The following GLMN variants were observed in gnomAD, a reference collection of about 807,000 sequenced individuals.
GLMN encodes the protein glomulin, FKBP associated protein.
GLMN carries 75 observed loss-of-function variants against 87.8 expected under a neutral mutation model. That is an observed-to-expected ratio of 0.85 (90% CI 0.71 to 1.04). The LOEUF (loss-of-function observed/expected upper bound fraction) is 1.04. Ranked by LOEUF, GLMN falls within the 50% of genes least tolerant of loss-of-function variation. The probability of loss-of-function intolerance (pLI) is 0.00; values close to 1 mark genes in which losing one functional copy is unlikely to be tolerated. For synonymous variants in GLMN, 206 were observed against 221.6 expected, an observed-to-expected ratio of 0.93 and a Z score of 0.63; for missense variants, 588 against 658.8, an observed-to-expected ratio of 0.89 and a Z score of 1.18.
chr1:92,283,680 GTC>G (rs1342670349), intron 7 of GLMN, among the ~76,000 whole-genome samples: 1 of 152,132 alleles, frequency 6.6e-6, no homozygotes, highest in African/African-American at 2.4e-5. Context: ...AAGTCAAATT[GTC>G]TCTGTTTGCA....
At chr1:92,252,783 T>C (rs1653696101) in intron 16 of GLMN, among the ~76,000 whole-genome samples, 1 of 152,120 alleles carries the variant, frequency 6.6e-6, no homozygotes, top group Non-Finnish European at 1.5e-5. Context: ...AAAAGTAAAT[T>C]AAGAGTTTTA....
upstream of GLMN, among the ~76,000 whole-genome samples, chr1:92,300,749 ACTAAT>A (rs1650782830): frequency 6.6e-6 from 1 of 152,222 alleles, no homozygotes; most frequent in Admixed American, 6.5e-5. Flanking sequence ...GTGAAGACTC[ACTAAT>A]CTTATATTGG....
chr1:92,359,768 A>ATT, the GLMN span, among the ~76,000 whole-genome samples: 2 of 152,204 alleles, frequency 1.3e-5, no homozygotes, highest in African/African-American at 4.8e-5. Context: ...AGAGACCTAG[A>ATT]TTTTAGTGTC....
chr1:92,363,675 GA>G, the GLMN span: 2 of 291,372 alleles, frequency 6.9e-6, no homozygotes, highest in Non-Finnish European at 6.7e-6. Context: ...AAGATAGCAA[GA>G]CCAACCCCAC....
the GLMN span, among the ~76,000 whole-genome samples, chr1:92,354,890 A>AATTATT: frequency 7.0e-4 from 103 of 147,686 alleles, 1 homozygote; most frequent in South Asian, 1.7e-3. Flanking sequence ...AATTTATGTA[A>AATTATT]ATTATTATTA....
At chr1:92,307,607 A>G in the GLMN span, among the ~76,000 whole-genome samples, 1 of 152,206 alleles carries the variant, frequency 6.6e-6, no homozygotes, top group Non-Finnish European at 1.5e-5. Flanking sequence ...TTCAGAAGTT[A>G]CTGGGTCTTA....
the GLMN span, chr1:92,324,495 T>G: frequency 5.2e-6 from 4 of 768,102 alleles, no homozygotes; most frequent in Non-Finnish European, 8.2e-6. Context: ...ATAGTTTCTT[T>G]AGTCATTCTG....
intron 7 of GLMN, among the ~76,000 whole-genome samples, chr1:92,276,931 T>G (rs180850446): frequency 1.9e-3 from 294 of 152,268 alleles, no homozygotes; most frequent in Non-Finnish European, 3.6e-3. Context: ...GTTTGTAAAT[T>G]TTTACAATAC....
In GLMN at chr1:92,262,781, T is replaced by C. The variant is rs565762815; in HGVS notation, c.1473+82A>G. The C allele has an allele frequency of 4.1e-4, 284 of 692,558 alleles. 2 individuals are homozygous for C. The highest frequency in any genetic ancestry group is 6.8e-5 in the Non-Finnish European group (25 of 368,606). 42.9% of individuals were successfully genotyped at this position (692,558 alleles called of 1,614,324 possible). On this transcript the variant is annotated intron_variant, in intron 16 of 18. Transcript: ENST00000370360. ...TTATATCTGGGTAAGATATTAAATA[T>C]TGGCTTTAGGTACTGAATATCTGAA...
intron 2 of GLMN, 84 bp from the exon 3 acceptor site, chr1:92,297,613 T>C: frequency 1.7e-6 from 2 of 1,190,840 alleles, no homozygotes; most frequent in South Asian, 2.7e-5. Flanking sequence ...TCTTGATTTA[T>C]CTATGAAAAA....
chr1:92,291,615 G>A (rs889653908), intron 3 of GLMN, 78 bp from the exon 4 acceptor site: 64 of 1,380,278 alleles, frequency 4.6e-5, no homozygotes, highest in Non-Finnish European at 6.2e-5. Context: ...TCTTGGAAGA[G>A]CTCAGAATTG....
At chr1:92,300,410 C>G (rs1650747173), upstream of GLMN, among the ~76,000 whole-genome samples, 1 of 151,980 alleles carries the variant, frequency 6.6e-6, no homozygotes, top group Non-Finnish European at 1.5e-5. Context: ...TTACATTCCT[C>G]TACTCCAGGC....
At position 92,263,757 on chromosome 1, in the gene GLMN, A is replaced by G. The variant is rs769740726; in HGVS notation, c.1300-25T>C. ...TCTGAAAAGCAAACGAAAAATTGAG[A>G]AAGCTTTATAATTCATGTAATTCAT... is the stretch of plus-strand genomic sequence containing the variant. On this transcript the variant is annotated intron_variant, in intron 14 of 18. Transcript: ENST00000370360. The G allele has an allele frequency of 5.6e-6, 6 of 1,065,132 alleles. No homozygotes were observed. In the South Asian group the frequency reaches 7.5e-5, roughly 13 times the overall value. 66.0% of individuals were successfully genotyped at this position (1,065,132 alleles called of 1,614,324 possible). A position where few individuals can be genotyped will look rare whatever the true frequency, so the allele number is the denominator to read the frequency against.
chr1:92,284,507 C>T (rs1648492287), intron 7 of GLMN, among the ~76,000 whole-genome samples: 1 of 152,144 alleles, frequency 6.6e-6, no homozygotes, highest in South Asian at 2.1e-4. Flanking sequence ...AGACTTAACA[C>T]CATAAAAACC....
chr1:92,364,712 C>T, the GLMN span, among the ~76,000 whole-genome samples: 2 of 152,120 alleles, frequency 1.3e-5, no homozygotes, highest in Non-Finnish European at 2.9e-5. Context: ...TTCTCCATTG[C>T]CACTGCTACT....
At chr1:92,260,769 A>AG (rs1654942088) in intron 16 of GLMN, among the ~76,000 whole-genome samples, 2 of 146,492 alleles carry the variant, frequency 1.4e-5, no homozygotes, top group African/African-American at 5.3e-5. Flanking sequence ...GAGATGGAAA[A>AG]AAAAAAAAAA....
At chr1:92,353,976 A>AT in the GLMN span, among the ~76,000 whole-genome samples, 1 of 151,984 alleles carries the variant, frequency 6.6e-6, no homozygotes, top group Admixed American at 6.6e-5. Flanking sequence ...TTTTTTATTC[A>AT]TAAGTAGTTG....
the GLMN span, among the ~76,000 whole-genome samples, chr1:92,310,639 C>A: frequency 5.3e-5 from 8 of 151,938 alleles, no homozygotes; most frequent in Non-Finnish European, 1.0e-4. Context: ...GACTCACGCC[C>A]GTAATCCCAG....
chr1:92,247,193 TAAC>T, intron 17 of GLMN, 49 bp from the exon 18 acceptor site: 1 of 880,538 alleles, frequency 1.1e-6, no homozygotes, highest in East Asian at 2.4e-5. Context: ...CAGATTTCAA[TAAC>T]AAAGGTATAA....
Sources: allele counts gnomAD v4.1 joint callset (sites outside exome capture counted in the v4.1 genomes callset), GRCh38; gene constraint gnomAD v4.1.1; transcripts MANE v1.5; gene names NCBI Gene and HGNC (gene_info 2026-07-23, HGNC 2026-07-21).